RPS6KC1: variants seen among roughly 807,000 people sequenced by gnomAD.
The protein encoded by RPS6KC1 is ribosomal protein S6 kinase C1.
RPS6KC1 carries 54 observed loss-of-function variants against 103.8 expected under a neutral mutation model. The ratio of observed to expected loss-of-function variants is 0.52; its 90% CI spans 0.42 to 0.65. The LOEUF is 0.65. Ranked by LOEUF, RPS6KC1 falls within the 30% of genes least tolerant of loss-of-function variation. The probability of loss-of-function intolerance (pLI) is 0.00; values close to 1 mark genes in which losing one functional copy is unlikely to be tolerated. For missense variants in RPS6KC1, 1,151 were observed against 1,253.8 expected (o/e 0.92, Z 1.24); for synonymous variants, 439 against 438.7 (o/e 1.00, Z -0.01).
At chr1:213,675,206 T>C in the RPS6KC1 span, among the ~76,000 whole-genome samples, 98,261 of 151,966 alleles carry the variant, frequency 0.65, 32,270 homozygotes, top group South Asian at 0.82. Context: ...TTTGAGAACT[T>C]AGTCATAAAT....
At chr1:213,237,404 GA>G (rs1479042868) in intron 10 of RPS6KC1, among the ~76,000 whole-genome samples, 1 of 152,068 alleles carries the variant, frequency 6.6e-6, no homozygotes, top group African/African-American at 2.4e-5. Context: ...AAAATGCTTA[GA>G]ATAGTACCTG....
chr1:213,831,454 G>T, the RPS6KC1 span, among the ~76,000 whole-genome samples: 1 of 152,190 alleles, frequency 6.6e-6, no homozygotes, highest in Non-Finnish European at 1.5e-5. Context: ...GCCAGGCAAT[G>T]AGTTCTCCCC....
At chr1:213,063,897 T>A (rs2078058944) in intron 1 of RPS6KC1, among the ~76,000 whole-genome samples, 1 of 148,706 alleles carries the variant, frequency 6.7e-6, no homozygotes, top group African/African-American at 2.5e-5. Context: ...AGGGTAATAC[T>A]TTTTTTTTTG....
At chr1:213,747,492 A>G in the RPS6KC1 span, among the ~76,000 whole-genome samples, 1 of 152,220 alleles carries the variant, frequency 6.6e-6, no homozygotes, top group African/African-American at 2.4e-5. Context: ...AACCAGCAGA[A>G]GAAATAGCAC....
chr1:213,388,281 G>T, the RPS6KC1 span, among the ~76,000 whole-genome samples: 1 of 152,208 alleles, frequency 6.6e-6, no homozygotes. Context: ...TGAACAGAAG[G>T]GCACGAAGAC....
At chr1:213,424,876 G>T in the RPS6KC1 span, among the ~76,000 whole-genome samples, 1 of 152,038 alleles carries the variant, frequency 6.6e-6, no homozygotes, top group Non-Finnish European at 1.5e-5. Flanking sequence ...GGCTTCCTCC[G>T]CCAGCACCGC....
the RPS6KC1 span, among the ~76,000 whole-genome samples, chr1:213,386,126 G>A: frequency 6.6e-6 from 1 of 152,284 alleles, no homozygotes; most frequent in South Asian, 2.1e-4. Context: ...TCTCACTCCA[G>A]TCATTCCCTG....
intron 8 of RPS6KC1, chr1:213,205,327 A>T: frequency 1.0e-6 from 1 of 984,986 alleles, no homozygotes; most frequent in Non-Finnish European, 1.2e-6. Flanking sequence ...CTAGATAAAG[A>T]TAAGTCATGC....
In RPS6KC1 at chr1:213,241,890, T is replaced by C; in HGVS notation, c.2414T>C (p.Val805Ala). 1 of 1,614,004 alleles carries C rather than the reference T, an allele frequency of 6.2e-7. No homozygotes were observed. The highest frequency in any genetic ancestry group is 8.5e-7 in the Non-Finnish European group (1 of 1,179,944). Residue 805 changes from valine to alanine, a missense_variant, in exon 11 of 15, where the codon GTT (valine) becomes GCT (alanine). By Grantham distance (64) the Val-to-Ala change is moderately conservative. Around this residue, in one of 3 missense-constraint regions of RPS6KC1, gnomAD observed 959 missense variants for 1,006.3 expected, o/e 0.95. Coordinates refer to ENST00000366960, the MANE Select transcript of RPS6KC1 (RefSeq NM_012424.6). Reference protein sequence around the residue: ...SDPKFQGLGVVESAVTANNTE... With the variant: ...SDPKFQGLGVAESAVTANNTE... The stretch of plus-strand genomic sequence containing the variant: ...CCTAAGTTTCAAGGACTTGGAGTGG[T>C]TGAGTCAGCAGTAACTGCAAACAAC...
the RPS6KC1 span, among the ~76,000 whole-genome samples, chr1:213,833,759 A>C: frequency 6.6e-6 from 1 of 152,212 alleles, no homozygotes. Context: ...GACAGCATGC[A>C]TGTAGCGGGC....
the RPS6KC1 span, among the ~76,000 whole-genome samples, chr1:213,665,983 T>A: frequency 6.6e-6 from 1 of 152,220 alleles, no homozygotes; most frequent in African/African-American, 2.4e-5. Context: ...AACTATATAT[T>A]TGTTAAATAT....
chr1:213,715,118 A>G, the RPS6KC1 span, among the ~76,000 whole-genome samples: 666 of 152,308 alleles, frequency 4.4e-3, 4 homozygotes, highest in African/African-American at 0.015. Context: ...GTAAGGCAGG[A>G]CTGAGAAAGG....
At chr1:213,293,942 C>T in the RPS6KC1 span, among the ~76,000 whole-genome samples, 2 of 152,102 alleles carry the variant, frequency 1.3e-5, no homozygotes, top group Non-Finnish European at 2.9e-5. Context: ...ATCTAACTAC[C>T]GTAACACAAT....
At chr1:213,278,552 T>A (rs1001734383), downstream of RPS6KC1, among the ~76,000 whole-genome samples, 2 of 152,174 alleles carry the variant, frequency 1.3e-5, no homozygotes, top group African/African-American at 2.4e-5. Context: ...CTAAGAAAAC[T>A]TCTTTAAAAT....
In RPS6KC1 at chr1:213,206,121, C is replaced by T. The variant is rs115117700; in HGVS notation, c.1045-24376C>T. Among the ~76,000 whole-genome samples the T allele has an allele frequency of 3.2e-3, 482 of 152,254 alleles. 4 individuals are homozygous for T. The highest frequency in any genetic ancestry group is 0.011 in the African/African-American group (459 of 41,558). Reference sequence around the variant, plus strand: ...TTTTATTCCAAAGAGCTCAAATTCCCTTAGTATTTAAAGCACGGTTTCCTA... The same window carrying T: ...TTTTATTCCAAAGAGCTCAAATTCCTTTAGTATTTAAAGCACGGTTTCCTA... On this transcript the variant is annotated intron_variant, in intron 8 of 14. Transcript: ENST00000366960.
the RPS6KC1 span, chr1:213,819,468 T>A: frequency 6.6e-6 from 1 of 152,326 alleles, no homozygotes; most frequent in South Asian, 2.1e-4. Context: ...GGCCCAGGAA[T>A]CTGAAGGTTA....
At chr1:213,331,686 G>T in the RPS6KC1 span, among the ~76,000 whole-genome samples, 1 of 152,164 alleles carries the variant, frequency 6.6e-6, no homozygotes, top group Admixed American at 6.5e-5. Context: ...CAGGGAAGTC[G>T]GTGGCATTGC....
chr1:213,659,633 C>T, the RPS6KC1 span, among the ~76,000 whole-genome samples: 1 of 150,514 alleles, frequency 6.6e-6, no homozygotes, highest in African/African-American at 2.5e-5. Flanking sequence ...CTCTTGTATT[C>T]AGGGTTTTTT....
chr1:213,381,225 T>C, the RPS6KC1 span, among the ~76,000 whole-genome samples: 1 of 152,270 alleles, frequency 6.6e-6, no homozygotes. Flanking sequence ...AAATTGTGTG[T>C]GGAGGAGTGG....
Sources: gnomAD v4.1 joint callset for allele counts (sites outside exome capture counted in the v4.1 genomes callset) on GRCh38, gnomAD v4.1.1 for gene constraint, gnomAD v4.1.1 regional missense constraint, MANE v1.5 for transcripts, NCBI Gene and HGNC (gene_info 2026-07-23, HGNC 2026-07-21) for gene names.